Variants in FAM168B observed in about 807,000 individuals in gnomAD.
FAM168B encodes the protein family with sequence similarity 168 member B, also known as myelin-associated neurite-outgrowth inhibitor.
In FAM168B, 19 loss-of-function variants were observed where a neutral mutation model predicts 21.8. The observed-to-expected ratio is 0.87, with a 90% CI of 0.61 to 1.28. The LOEUF (loss-of-function observed/expected upper bound fraction) is 1.28, where lower values mean the gene tolerates loss of function less well. Ranked by LOEUF, FAM168B falls within the 50% of genes most tolerant of loss-of-function variation. The pLI is 0.00. For synonymous variants in FAM168B, 126 were observed against 104.8 expected (o/e 1.20, Z -1.24); for missense variants, 233 against 263.1 (o/e 0.89, Z 0.79).
intron 3 of FAM168B, among the ~76,000 whole-genome samples, chr2:131,070,409 AG>A (rs1195502899): frequency 6.6e-6 from 1 of 152,254 alleles, no homozygotes; most frequent in Non-Finnish European, 1.5e-5. Context: ...AGTGTTGTTA[AG>A]GATGTGGAGG....
intron 2 of FAM168B, among the ~76,000 whole-genome samples, chr2:131,075,045 G>A (rs1046777968): frequency 6.6e-6 from 1 of 151,898 alleles, no homozygotes; most frequent in African/African-American, 2.4e-5. Flanking sequence ...TCACCCTCCC[G>A]TTTGCCCTCT....
chr2:131,092,683 ACT>A (rs1471343072), intron 1 of FAM168B, among the ~76,000 whole-genome samples: 1 of 152,070 alleles, frequency 6.6e-6, no homozygotes, highest in African/African-American at 2.4e-5. Flanking sequence ...GGCGCACTGC[ACT>A]CTTTTTTCAA....
chr2:131,088,024 T>G (rs1483348959), intron 1 of FAM168B, among the ~76,000 whole-genome samples: 1 of 152,112 alleles, frequency 6.6e-6, no homozygotes, highest in African/African-American at 2.4e-5. Flanking sequence ...TGAGGGCGGA[T>G]CACTTGAGAC....
intron 3 of FAM168B, among the ~76,000 whole-genome samples, chr2:131,068,994 C>T (rs190243368): frequency 2.6e-5 from 4 of 152,218 alleles, no homozygotes; most frequent in Admixed American, 2.0e-4. Flanking sequence ...GCAGCCTGGG[C>T]GACAGAGCAA....
chr2:131,087,466 C>T (rs969376883), intron 1 of FAM168B, among the ~76,000 whole-genome samples: 4 of 151,778 alleles, frequency 2.6e-5, no homozygotes, highest in Admixed American at 1.3e-4. Context: ...AGCAAGACTC[C>T]GTCTCAAAAA....
chr2:131,078,394 G>C (rs1693269773), intron 2 of FAM168B, among the ~76,000 whole-genome samples: 1 of 152,012 alleles, frequency 6.6e-6, no homozygotes, highest in African/African-American at 2.4e-5. Flanking sequence ...AGCTCATGGA[G>C]AAAAAAACAG....
intron 3 of FAM168B, 122 bp from the exon 4 acceptor site, chr2:131,055,817 C>T: frequency 8.6e-7 from 1 of 1,163,270 alleles, no homozygotes; most frequent in Non-Finnish European, 1.2e-6. Flanking sequence ...CCTGCTGCCA[C>T]TGCCGCCCCC....
At position 131,055,417 on chromosome 2, in the gene FAM168B, T is replaced by C; in HGVS notation, c.330A>G (p.Ala110=). ...TGTGGTGGATGACGTGAGGAGGTGCTGCATACAGCGGCTGTGTGTAGTACG... is the reference window on the plus strand; with the variant it reads ...TGTGGTGGATGACGTGAGGAGGTGCCGCATACAGCGGCTGTGTGTAGTACG... The part of the protein sequence containing the change: ...QGTYYTQPLY[A]APPHVIHHTT... Residue 110 remains alanine (A), a synonymous_variant, in exon 5 of 7, where the codon GCA becomes GCG. Transcript: ENST00000389915. The C allele has an allele frequency of 6.2e-7, 1 of 1,609,554 alleles. No individual in the cohort carries two copies.
intron 1 of FAM168B, among the ~76,000 whole-genome samples, chr2:131,089,219 G>T (rs1323478422): frequency 2.6e-5 from 4 of 151,892 alleles, no homozygotes; most frequent in Non-Finnish European, 5.9e-5. Context: ...GCCAGTCTTG[G>T]CCTCCCAAAG....
intron 2 of FAM168B, among the ~76,000 whole-genome samples, chr2:131,078,808 C>G (rs748017802): frequency 1.3e-5 from 2 of 151,422 alleles, no homozygotes; most frequent in Admixed American, 1.3e-4. Flanking sequence ...CAGTGAGACC[C>G]GATCTCTACA....
chr2:131,073,369 C>T (rs1161600817), intron 2 of FAM168B, among the ~76,000 whole-genome samples: 2 of 152,116 alleles, frequency 1.3e-5, no homozygotes, highest in African/African-American at 2.4e-5. Flanking sequence ...CGGGTATTAC[C>T]GGCATGAGTT....
At chr2:131,069,905 C>T (rs1692786623) in intron 3 of FAM168B, among the ~76,000 whole-genome samples, 1 of 151,876 alleles carries the variant, frequency 6.6e-6, no homozygotes, top group African/African-American at 2.4e-5. Flanking sequence ...GTCGCCCAGG[C>T]TGGAATGCTA....
intron 3 of FAM168B, among the ~76,000 whole-genome samples, chr2:131,069,247 G>A (rs1386654065): frequency 6.6e-6 from 1 of 152,218 alleles, no homozygotes; most frequent in Non-Finnish European, 1.5e-5. Context: ...ATGAAGAAAT[G>A]AGTAAAAGTG....
chr2:131,051,131 C>T lies in FAM168B; in HGVS notation c.*1334G>A. On this transcript the variant is annotated 3_prime_UTR_variant, in exon 7 of 7. Transcript: ENST00000389915. ...CTCTGCTGTCTGTGCTTGCTTTGTG[C>T]CAAGTGCCCTCAGCTGCAAAAGAGA... 1.0e-6 allele frequency: 1 copy of T among 985,406 alleles called. No individual in the cohort carries two copies. 61.0% of individuals were successfully genotyped at this position (985,406 alleles called of 1,614,324 possible).
Position 131,055,449 on chromosome 2 carries a change from G to T in FAM168B, c.298C>A (p.Gln100Lys). The change falls in exon 5 of 7, where the codon CAA becomes AAA. Residue 100 changes from glutamine to lysine, a missense_variant and splice_region_variant. Physicochemically the swap from Gln to Lys is moderately conservative, Grantham distance 53 (BLOSUM62 1). Transcript: ENST00000389915. ...AYPQQSPYAQ[Q>K]GTYYTQPLYA... is the part of the protein sequence containing the mutation. ...AGCGGCTGTGTGTAGTACGTGCCTT[G>T]CTGTGGGGAGAAGAGAGACAACTGA... 6.2e-7 allele frequency: 1 copy of T among 1,608,334 alleles called. No individual in the cohort carries two copies. The highest frequency in any genetic ancestry group is 8.5e-7 in the Non-Finnish European group (1 of 1,178,338).
chr2:131,085,237 GC>G, intron 1 of FAM168B, among the ~76,000 whole-genome samples: 1 of 152,068 alleles, frequency 6.6e-6, no homozygotes, highest in South Asian at 2.1e-4. Context: ...ATCGCTTGAG[GC>G]CAGGAGTTCA....
chr2:131,056,029 C>T (rs1010667180), intron 3 of FAM168B, among the ~76,000 whole-genome samples: 1 of 152,186 alleles, frequency 6.6e-6, no homozygotes, highest in Non-Finnish European at 1.5e-5. Flanking sequence ...TGGGGCTAAA[C>T]TTGGCATCTA....
intron 3 of FAM168B, among the ~76,000 whole-genome samples, chr2:131,061,477 G>A (rs1397618242): frequency 1.3e-5 from 2 of 151,368 alleles, no homozygotes; most frequent in African/African-American, 2.4e-5. Context: ...ACACCCAAAC[G>A]CACCCCTAGA....
At chr2:131,080,894 T>A (rs1445358510) in intron 2 of FAM168B, among the ~76,000 whole-genome samples, 1 of 151,822 alleles carries the variant, frequency 6.6e-6, no homozygotes, top group Non-Finnish European at 1.5e-5. Context: ...ATGGTCTCGA[T>A]CTCCTGAACT....
Sources: allele counts gnomAD v4.1 joint callset (sites outside exome capture counted in the v4.1 genomes callset), GRCh38; gene constraint gnomAD v4.1.1; transcripts MANE v1.5; gene names NCBI Gene and HGNC (gene_info 2026-07-23, HGNC 2026-07-21).